MDGA2: variants seen among roughly 807,000 people sequenced by gnomAD.
MDGA2 encodes the protein MAM domain-containing glycosylphosphatidylinositol anchor protein 2.
MDGA2 carries 40 observed loss-of-function variants against 117.8 expected under a neutral mutation model. That is an observed-to-expected ratio of 0.34 (90% confidence interval 0.26 to 0.44). The LOEUF is 0.44. Among genes scored for constraint, MDGA2 ranks in the 20% least tolerant of loss-of-function variants. The pLI, the probability that MDGA2 is intolerant of heterozygous loss-of-function variation, is 1.00. For synonymous variants in MDGA2, 452 were observed against 439.0 expected, an observed-to-expected ratio of 1.03 and a Z score of -0.37; for missense variants, 1,123 against 1,250.6, an observed-to-expected ratio of 0.90 and a Z score of 1.54.
intron 3 of MDGA2, among the ~76,000 whole-genome samples, chr14:47,197,529 T>C: frequency 6.6e-6 from 1 of 152,156 alleles, no homozygotes; most frequent in Non-Finnish European, 1.5e-5. Context: ...ATGGTATTGT[T>C]TGGTAACTTG....
chr14:47,220,254 C>T (rs17118202), intron 2 of MDGA2, among the ~76,000 whole-genome samples: 33,006 of 152,034 alleles, frequency 0.22, 3,899 homozygotes, highest in African/African-American at 0.3. Flanking sequence ...ATACATACTC[C>T]GATAAAAGTT....
chr14:47,441,208 A>C (rs1355831116), intron 1 of MDGA2, among the ~76,000 whole-genome samples: 1 of 152,126 alleles, frequency 6.6e-6, no homozygotes, highest in Non-Finnish European at 1.5e-5. Context: ...AGCAGAGTCA[A>C]GGACTTCCAA....
intron 7 of MDGA2, among the ~76,000 whole-genome samples, chr14:47,045,625 T>C (rs942948337): frequency 6.6e-6 from 1 of 151,972 alleles, no homozygotes; most frequent in Non-Finnish European, 1.5e-5. Context: ...ATTGAGAATG[T>C]TGGAGGGAAT....
At chr14:47,442,036 A>T (rs1893023092) in intron 1 of MDGA2, among the ~76,000 whole-genome samples, 1 of 152,176 alleles carries the variant, frequency 6.6e-6, no homozygotes, top group Non-Finnish European at 1.5e-5. Context: ...TAGTGAAGAA[A>T]AGATAAACAG....
chr14:46,963,950 G>A (rs1211619970), intron 8 of MDGA2, among the ~76,000 whole-genome samples: 1 of 152,096 alleles, frequency 6.6e-6, no homozygotes, highest in Admixed American at 6.6e-5. Flanking sequence ...TCAAGACCTG[G>A]AGTTTATGTT....
chr14:47,455,055 A>C (rs1397723381), intron 1 of MDGA2, among the ~76,000 whole-genome samples: 1 of 152,214 alleles, frequency 6.6e-6, no homozygotes, highest in Non-Finnish European at 1.5e-5. Flanking sequence ...AGAAAACAAT[A>C]TCATGCAATA....
chr14:47,384,426 C>G (rs139873234), intron 1 of MDGA2, among the ~76,000 whole-genome samples: 81 of 151,892 alleles, frequency 5.3e-4, no homozygotes, highest in African/African-American at 1.8e-3. Flanking sequence ...TATTTTTCCT[C>G]AAGCAGCAGT....
intron 10 of MDGA2, among the ~76,000 whole-genome samples, chr14:46,918,855 A>G (rs930198059): frequency 4.1e-5 from 6 of 144,828 alleles, no homozygotes; most frequent in Non-Finnish European, 7.4e-5. Context: ...TCCGCCTCCC[A>G]GGTTCACGCC....
chr14:46,839,718 T>G (rs1283207586), downstream of MDGA2, among the ~76,000 whole-genome samples: 1 of 151,934 alleles, frequency 6.6e-6, no homozygotes, highest in African/African-American at 2.4e-5. Flanking sequence ...CTGAAAAAAT[T>G]TTAAGATGTC....
chr14:47,366,030 G>A (rs1891223646), intron 1 of MDGA2, among the ~76,000 whole-genome samples: 1 of 152,126 alleles, frequency 6.6e-6, no homozygotes, highest in Non-Finnish European at 1.5e-5. Flanking sequence ...AACCATGTAT[G>A]AAGGAAAAAG....
intron 1 of MDGA2, among the ~76,000 whole-genome samples, chr14:47,470,558 T>C (rs1893703775): frequency 2.0e-5 from 3 of 152,284 alleles, no homozygotes; most frequent in South Asian, 4.1e-4. Context: ...CTATTGTGAA[T>C]AGTGCCACAA....
chr14:47,101,240 T>C (rs1039111620), intron 5 of MDGA2, among the ~76,000 whole-genome samples: 6 of 152,030 alleles, frequency 3.9e-5, no homozygotes, highest in Non-Finnish European at 8.8e-5. Flanking sequence ...ACAAAAAGTC[T>C]GTGGTTTCTA....
chr14:46,931,214 C>CAAAAAAAAAAAA (rs34493526), intron 9 of MDGA2, among the ~76,000 whole-genome samples: 1 of 76,294 alleles, frequency 1.3e-5, no homozygotes, highest in African/African-American at 4.8e-5. Flanking sequence ...GACTACATCT[C>CAAAAAAAAAAAA]AAAAAAAAAA....
At chr14:47,075,786 T>A (rs958557677) in intron 6 of MDGA2, among the ~76,000 whole-genome samples, 1 of 152,098 alleles carries the variant, frequency 6.6e-6, no homozygotes, top group African/African-American at 2.4e-5. Context: ...ATTTAAAAAA[T>A]TTTTTCTTAA....
chr14:47,412,224 G>C (rs1892388051), intron 1 of MDGA2, among the ~76,000 whole-genome samples: 1 of 151,992 alleles, frequency 6.6e-6, no homozygotes, highest in Non-Finnish European at 1.5e-5. Flanking sequence ...CCTTGAGACA[G>C]GAAACTCTGC....
At chr14:47,040,854 C>T (rs926270119) in intron 7 of MDGA2, among the ~76,000 whole-genome samples, 1 of 152,178 alleles carries the variant, frequency 6.6e-6, no homozygotes, top group African/African-American at 2.4e-5. Context: ...TCCTTAAGGG[C>T]ACAGAGCCTT....
chr14:47,048,774 T>G (rs1053025570), intron 7 of MDGA2, among the ~76,000 whole-genome samples: 1 of 152,106 alleles, frequency 6.6e-6, no homozygotes, highest in Non-Finnish European at 1.5e-5. Context: ...AACAGATCCG[T>G]TAATAGATAA....
chr14:46,997,365 C>T (rs1475073279), intron 8 of MDGA2, among the ~76,000 whole-genome samples: 2 of 152,020 alleles, frequency 1.3e-5, no homozygotes, highest in Non-Finnish European at 2.9e-5. Context: ...CTTTTTTAAG[C>T]TCAAAGGAGA....
intron 9 of MDGA2, among the ~76,000 whole-genome samples, chr14:46,927,188 A>G (rs1004847037): frequency 6.6e-6 from 1 of 152,194 alleles, no homozygotes; most frequent in Non-Finnish European, 1.5e-5. Flanking sequence ...GGAAAGTAAG[A>G]TTTAATTCTG....
Sources: allele counts gnomAD v4.1 joint callset (sites outside exome capture counted in the v4.1 genomes callset), GRCh38; gene constraint gnomAD v4.1.1; transcripts MANE v1.5; gene names NCBI Gene and HGNC (gene_info 2026-07-23, HGNC 2026-07-21).